The following FGF2 variants were observed in gnomAD, a reference collection of about 807,000 sequenced individuals.
FGF2 encodes fibroblast growth factor 2.
Under a neutral mutation model 15.9 loss-of-function variants are expected in FGF2, and 13 were observed. That is an observed-to-expected ratio of 0.82 (90% CI 0.53 to 1.30). The LOEUF is 1.30. Among genes scored for constraint, FGF2 ranks in the 50% most tolerant of loss-of-function variants. The pLI, the probability that FGF2 is intolerant of heterozygous loss-of-function variation, is 0.00. For missense variants in FGF2, 163 were observed against 196.9 expected (o/e 0.83, Z 1.03); for synonymous variants, 90 against 78.4 (o/e 1.15, Z -0.78).
Position 122,893,352 on chromosome 4 carries a change from C to T in FGF2, c.*956C>T. 1.2e-6 allele frequency: 1 copy of T among 858,366 alleles called. No individual in the cohort carries two copies. Among genetic ancestry groups the T allele is most frequent in the Admixed American group, 3.3e-5 (1 of 30,256 alleles). The allele number at this position is 858,366 out of a possible 1,614,324, so 53.2% of individuals were successfully genotyped here. On this transcript the variant is annotated 3_prime_UTR_variant, in exon 3 of 3. Coordinates refer to ENST00000644866, the MANE Select transcript of FGF2 (RefSeq NM_001361665.2). ...CATTACCCTAACAAAGTAAAGTTTT[C>T]AATACAAATTCTTTGCCTTGTGGAT...
intron 1 of FGF2, among the ~76,000 whole-genome samples, chr4:122,830,678 G>T (rs1408754501): frequency 6.6e-6 from 1 of 152,054 alleles, no homozygotes; most frequent in Non-Finnish European, 1.5e-5. Flanking sequence ...CTCTAAAGTA[G>T]CAAGCTGTGT....
chr4:122,872,718 A>C (rs6818394), intron 1 of FGF2, among the ~76,000 whole-genome samples: 8,085 of 152,264 alleles, frequency 0.053, 503 homozygotes, highest in African/African-American at 0.15. Flanking sequence ...GGGGGCCAAT[A>C]TTCAACATTG....
intron 1 of FGF2, among the ~76,000 whole-genome samples, chr4:122,858,457 G>A (rs1365027040): frequency 6.6e-6 from 1 of 151,996 alleles, no homozygotes; most frequent in African/African-American, 2.4e-5. Context: ...GAGTGCAGTG[G>A]TCTGGTCTCG....
chr4:122,828,185 G>T (rs1725688507), intron 1 of FGF2, among the ~76,000 whole-genome samples: 1 of 152,208 alleles, frequency 6.6e-6, no homozygotes, highest in Non-Finnish European at 1.5e-5. Context: ...GCCTAAATAA[G>T]GAGTGCTTGG....
At chr4:122,829,749 A>G (rs1440102876) in intron 1 of FGF2, among the ~76,000 whole-genome samples, 2 of 152,118 alleles carry the variant, frequency 1.3e-5, no homozygotes, top group African/African-American at 4.8e-5. Context: ...CTCTTTTTTT[A>G]AAGGATACCT....
At chr4:122,847,322 A>G (rs981887014) in intron 1 of FGF2, among the ~76,000 whole-genome samples, 4 of 152,192 alleles carry the variant, frequency 2.6e-5, no homozygotes, top group African/African-American at 9.7e-5. Flanking sequence ...CCTGGATCAG[A>G]ACACAGAGGA....
At chr4:122,834,504 T>C (rs1355419157) in intron 1 of FGF2, among the ~76,000 whole-genome samples, 1 of 152,240 alleles carries the variant, frequency 6.6e-6, no homozygotes, top group African/African-American at 2.4e-5. Context: ...AATTTAATCA[T>C]GTGGCCTTTT....
At chr4:122,874,749 A>G (rs72674905) in intron 1 of FGF2, among the ~76,000 whole-genome samples, 3,260 of 152,208 alleles carry the variant, frequency 0.021, 60 homozygotes, top group Non-Finnish European at 0.035. Flanking sequence ...ATAAATTACT[A>G]TGACATAATG....
At chr4:122,888,847 A>C (rs1727110523) in intron 2 of FGF2, 1 of 152,202 alleles carries the variant, frequency 6.6e-6, no homozygotes, top group Non-Finnish European at 1.5e-5. Context: ...CATAGAATAT[A>C]ATTTATTCAC....
intron 1 of FGF2, among the ~76,000 whole-genome samples, chr4:122,863,069 T>C (rs1014370495): frequency 6.6e-5 from 10 of 152,148 alleles, no homozygotes; most frequent in Non-Finnish European, 1.3e-4. Flanking sequence ...CGTTTAAAAA[T>C]TTGTACTTTA....
chr4:122,843,721 T>G (rs979742037), intron 1 of FGF2, among the ~76,000 whole-genome samples: 2 of 152,234 alleles, frequency 1.3e-5, no homozygotes, highest in African/African-American at 4.8e-5. Flanking sequence ...CACATAAACT[T>G]TTTGGTTTCC....
rs1727290914 is a variant in FGF2 at position 122,894,536 on chromosome 4, A to G, written c.*2140A>G. 2 of 152,200 alleles carry G rather than the reference A, an allele frequency of 1.3e-5. No homozygotes were observed. Among genetic ancestry groups the G allele is most frequent in the African/African-American group, 2.4e-5 (1 of 41,454 alleles). 9.4% of individuals were successfully genotyped at this position (152,200 alleles called of 1,614,324 possible). On this transcript the variant is annotated 3_prime_UTR_variant, in exon 3 of 3. Transcript: ENST00000644866. ...TGAGAGGTCAAGGTTGCAGTGAGCC[A>G]TAATCGTGCCACTGCAGTCCAGCCT... is the stretch of plus-strand genomic sequence containing the variant.
intron 1 of FGF2, among the ~76,000 whole-genome samples, chr4:122,831,659 A>G (rs556162597): frequency 2.8e-4 from 43 of 152,336 alleles, no homozygotes; most frequent in African/African-American, 9.9e-4. Flanking sequence ...TGAGTCATAG[A>G]TATTACCACA....
At chr4:122,839,426 G>A (rs1725931762) in intron 1 of FGF2, among the ~76,000 whole-genome samples, 1 of 152,154 alleles carries the variant, frequency 6.6e-6, no homozygotes, top group Admixed American at 6.5e-5. Flanking sequence ...TTTCTTCATT[G>A]AGTGAGATTG....
intron 1 of FGF2, among the ~76,000 whole-genome samples, chr4:122,853,789 G>A (rs1726282575): frequency 6.6e-6 from 1 of 152,156 alleles, no homozygotes; most frequent in African/African-American, 2.4e-5. Context: ...CTTGCTGGAT[G>A]AAGAATATAA....
At chr4:122,873,733 A>T (rs1007964408) in intron 1 of FGF2, among the ~76,000 whole-genome samples, 9 of 152,184 alleles carry the variant, frequency 5.9e-5, no homozygotes, top group African/African-American at 2.2e-4. Flanking sequence ...CTCAGCTCAG[A>T]TAGTTTTTAT....
chr4:122,897,851 G>C lies in FGF2; in HGVS notation c.*5455G>C, dbSNP rs1727411358. The C allele has an allele frequency of 1.7e-6, 1 of 589,544 alleles. No individual in the cohort carries two copies. The highest frequency in any genetic ancestry group is 3.1e-6 in the Non-Finnish European group (1 of 327,304). The allele number at this position is 589,544 out of a possible 1,614,324, so 36.5% of individuals were successfully genotyped here. ...TTTCTCCCTCGTTTCTTCTTTTTTT[G>C]GGGGAGCTGGTAACTGATGAAATCT... On this transcript the variant is annotated 3_prime_UTR_variant, in exon 3 of 3. Coordinates refer to ENST00000644866, the MANE Select transcript of FGF2 (RefSeq NM_001361665.2).
intron 2 of FGF2, chr4:122,882,231 C>T (rs1404759354): frequency 6.6e-6 from 1 of 152,194 alleles, no homozygotes; most frequent in Non-Finnish European, 1.5e-5. Context: ...AATTTTTCAT[C>T]TCCTCAGGAG....
Position 122,870,547 on chromosome 4 carries a change from G to A in FGF2, c.179-5774G>A, listed in dbSNP as rs553932094. Among the ~76,000 whole-genome samples the A allele has an allele frequency of 8.9e-3, 1,357 of 152,240 alleles. 9 individuals are homozygous for A. Among genetic ancestry groups the A allele is most frequent in the Non-Finnish European group, 0.014 (951 of 68,026 alleles). Reference sequence around the variant, plus strand: ...TTTAGGGATTCTTCTTCCTGGTTTAGCCTTGGGACGGTGTATGTGTCCAGG... The same window carrying A: ...TTTAGGGATTCTTCTTCCTGGTTTAACCTTGGGACGGTGTATGTGTCCAGG... On this transcript the variant is annotated intron_variant, in intron 1 of 2. Coordinates refer to ENST00000644866, the MANE Select transcript of FGF2 (RefSeq NM_001361665.2).
Sources: gnomAD v4.1 joint callset for allele counts (sites outside exome capture counted in the v4.1 genomes callset) on GRCh38, gnomAD v4.1.1 for gene constraint, MANE v1.5 for transcripts, NCBI Gene and HGNC (gene_info 2026-07-23, HGNC 2026-07-21) for gene names.